AHI1: variants seen among roughly 807,000 people sequenced by gnomAD.
AHI1 encodes Abelson helper integration site 1.
AHI1 carries 123 observed loss-of-function variants against 149.3 expected under a neutral mutation model. That is an observed-to-expected ratio of 0.82 (90% CI 0.71 to 0.96). The LOEUF is 0.96. AHI1 is among the 40% of genes least tolerant of loss of function. The pLI is 0.00. For missense variants in AHI1, 1,439 were observed against 1,422.7 expected (o/e 1.01, Z -0.18); for synonymous variants, 475 against 459.8 (o/e 1.03, Z -0.42).
Position 135,395,188 on chromosome 6 carries a change from T to C in AHI1, c.2989-292A>G, listed in dbSNP as rs188242398. On this transcript the variant is annotated intron_variant, in intron 22 of 28. Coordinates refer to ENST00000265602, the MANE Select transcript of AHI1 (RefSeq NM_001134831.2). ...TAGAGTGGTCTTAAGTTATGCAAAG[T>C]AATGCAAGAAATAAAAATGACTCCT... Among the ~76,000 whole-genome samples, 449 of 152,122 alleles carry C rather than the reference T, an allele frequency of 3.0e-3. 3 individuals carry two copies. The highest frequency in any genetic ancestry group is 0.01 in the African/African-American group (436 of 41,548).
chr6:135,367,060 T>C (rs1774292713), intron 23 of AHI1, among the ~76,000 whole-genome samples: 2 of 152,214 alleles, frequency 1.3e-5, no homozygotes, highest in Admixed American at 1.3e-4. Context: ...ATCAGTTTAT[T>C]TAACTTCCAT....
intron 21 of AHI1, among the ~76,000 whole-genome samples, chr6:135,406,720 T>C (rs1780847080): frequency 6.6e-6 from 1 of 152,220 alleles, no homozygotes; most frequent in South Asian, 2.1e-4. Flanking sequence ...TACTTAGCAA[T>C]CAACTCTGTG....
intron 27 of AHI1, among the ~76,000 whole-genome samples, chr6:135,297,993 G>A (rs1047653500): frequency 1.3e-5 from 2 of 151,918 alleles, no homozygotes; most frequent in African/African-American, 4.8e-5. Context: ...ACCTCTCTCT[G>A]AACAAAGCTG....
chr6:135,444,232 T>C (rs1786794225), intron 13 of AHI1, among the ~76,000 whole-genome samples: 1 of 152,176 alleles, frequency 6.6e-6, no homozygotes, highest in African/African-American at 2.4e-5. Flanking sequence ...TGTTACTACT[T>C]CAAGATCTCC....
At chr6:135,292,387 C>A (rs1326766339) in intron 27 of AHI1, among the ~76,000 whole-genome samples, 1 of 152,208 alleles carries the variant, frequency 6.6e-6, no homozygotes, top group African/African-American at 2.4e-5. Context: ...TACAATCTAT[C>A]AAAAGGCTAC....
At chr6:135,353,067 G>C (rs1792406987) in intron 24 of AHI1, among the ~76,000 whole-genome samples, 1 of 151,930 alleles carries the variant, frequency 6.6e-6, no homozygotes, top group Non-Finnish European at 1.5e-5. Flanking sequence ...TGCCAGTGGA[G>C]TATGCTAATG....
At chr6:135,481,227 AC>A (rs1225709725) in intron 5 of AHI1, among the ~76,000 whole-genome samples, 19 of 152,120 alleles carry the variant, frequency 1.2e-4, no homozygotes, top group Admixed American at 1.3e-4. Context: ...CAGCCTTAAA[AC>A]CCGTAAGAAA....
Position 135,434,040 on chromosome 6 carries a change from C to T in AHI1, c.2037-784G>A, listed in dbSNP as rs192449586. ...GGTGAAATCTACCAATATACAGGTG[C>T]TATATAAGTGTGAAGCATTGGATTT... On this transcript the variant is annotated intron_variant, in intron 15 of 28. Transcript: ENST00000265602. Among the ~76,000 whole-genome samples, 439 of 151,940 alleles carry T rather than the reference C, an allele frequency of 2.9e-3. 2 individuals are homozygous for T. The highest frequency in any genetic ancestry group is 5.8e-3 in the Admixed American group (89 of 15,280).
At chr6:135,382,929 ATATAT>A (rs1363593749) in intron 23 of AHI1, among the ~76,000 whole-genome samples, 2 of 34,522 alleles carry the variant, frequency 5.8e-5, no homozygotes, top group African/African-American at 8.9e-5. Flanking sequence ...AAAAAAAAAT[ATATAT>A]ATATATATAT....
chr6:135,459,740 TAAAA>T (rs58235668), intron 8 of AHI1, among the ~76,000 whole-genome samples: 8 of 118,546 alleles, frequency 6.7e-5, no homozygotes, highest in Admixed American at 1.6e-4. Flanking sequence ...CTGACAGAAG[TAAAA>T]AAAAAAAAAA....
intron 11 of AHI1, among the ~76,000 whole-genome samples, chr6:135,449,566 G>T (rs952838107): frequency 2.6e-5 from 4 of 152,102 alleles, no homozygotes; most frequent in Non-Finnish European, 5.9e-5. Flanking sequence ...TGCCCGGAAG[G>T]TATTTAACAA....
At chr6:135,387,171 C>T (rs1777730664) in intron 23 of AHI1, among the ~76,000 whole-genome samples, 2 of 152,302 alleles carry the variant, frequency 1.3e-5, no homozygotes, top group Middle Eastern at 6.8e-3. Context: ...GCATGAGACA[C>T]AGCACCTTGT....
At position 135,457,244 on chromosome 6, in the gene AHI1, C is replaced by G. The variant is rs953224138; in HGVS notation, c.1151+250G>C. Among the ~76,000 whole-genome samples the G allele has an allele frequency of 5.3e-5, 8 of 152,274 alleles. No individual in the cohort carries two copies. In the South Asian group the frequency reaches 1.5e-3, roughly 28 times the overall value. ...GGTTGCAGTGAGCCAAGATTGAGCA[C>G]TGCATTCCAGCCTGGGCGACAAAGC... On this transcript the variant is annotated intron_variant, in intron 9 of 28. Transcript: ENST00000265602.
rs543901012 is a variant in AHI1, at chr6:135,492,738, C to T, written c.-54-447G>A. 49 of 985,358 alleles carry T rather than the reference C, an allele frequency of 5.0e-5. No individual in the cohort carries two copies. The African/African-American group carries it at 6.8e-4, about 14-fold the overall frequency. 61.0% of individuals were successfully genotyped at this position (985,358 alleles called of 1,614,324 possible). ...ACAGTGAATTTAAATACCTCTGTGT[C>T]TGCCACTGAAAATTCTGCTACAATA... On this transcript the variant is annotated intron_variant, in intron 3 of 28. Transcript: ENST00000265602.
intron 26 of AHI1, among the ~76,000 whole-genome samples, chr6:135,304,787 T>C (rs1329708213): frequency 2.0e-5 from 3 of 152,154 alleles, no homozygotes; most frequent in South Asian, 4.1e-4. Flanking sequence ...GTGAAGACCA[T>C]CCTGATCACG....
intron 5 of AHI1, among the ~76,000 whole-genome samples, chr6:135,469,666 A>C (rs1791381207): frequency 6.6e-6 from 1 of 152,108 alleles, no homozygotes; most frequent in Non-Finnish European, 1.5e-5. Context: ...ATAAGACTAC[A>C]CATCAACCAT....
intron 8 of AHI1, among the ~76,000 whole-genome samples, chr6:135,462,915 T>A (rs1790150076): frequency 6.6e-6 from 1 of 151,526 alleles, no homozygotes; most frequent in Non-Finnish European, 1.5e-5. Context: ...ATAAAAAAAA[T>A]CAGAGAAGAC....
chr6:135,285,384 G>A lies in AHI1; in HGVS notation c.*261C>T. ...CCAACACTGGTAATGTAATTATGATGCAATTACTAACAATATAAGTACCAA... is the reference window on the plus strand; with the variant it reads ...CCAACACTGGTAATGTAATTATGATACAATTACTAACAATATAAGTACCAA... On this transcript the variant is annotated 3_prime_UTR_variant, in exon 29 of 29. Transcript: ENST00000265602. 1.9e-6 allele frequency: 1 copy of A among 521,126 alleles called. No homozygotes were observed. The highest frequency in any genetic ancestry group is 2.7e-5 in the South Asian group (1 of 36,540). 32.3% of individuals were successfully genotyped at this position (521,126 alleles called of 1,614,324 possible). A position where few individuals can be genotyped will look rare whatever the true frequency, so the allele number is the denominator to read the frequency against.
At chr6:135,410,632 T>C (rs1781455766) in intron 21 of AHI1, among the ~76,000 whole-genome samples, 1 of 152,254 alleles carries the variant, frequency 6.6e-6, no homozygotes, top group Non-Finnish European at 1.5e-5. Context: ...CTTTCTCTTT[T>C]ACCATTTGCA....
Sources: allele counts gnomAD v4.1 joint callset (sites outside exome capture counted in the v4.1 genomes callset), GRCh38; gene constraint gnomAD v4.1.1; transcripts MANE v1.5; gene names NCBI Gene and HGNC (gene_info 2026-07-23, HGNC 2026-07-21).